KIAA1958: variants seen among roughly 807,000 people sequenced by gnomAD.
KIAA1958 encodes the protein uncharacterized protein KIAA1958.
KIAA1958 carries 14 observed loss-of-function variants against 47.2 expected under a neutral mutation model. The observed-to-expected ratio is 0.30, with a 90% CI of 0.20 to 0.46. The LOEUF is 0.46. Ranked by LOEUF, KIAA1958 falls within the 20% of genes least tolerant of loss-of-function variation. The probability of loss-of-function intolerance (pLI) is 1.00; values close to 1 mark genes in which losing one functional copy is unlikely to be tolerated. For missense variants in KIAA1958, 803 were observed against 909.2 expected (o/e 0.88, Z 1.50); for synonymous variants, 354 against 353.3 (o/e 1.00, Z -0.02).
chr9:112,536,356 T>C (rs748592267), intron 1 of KIAA1958, among the ~76,000 whole-genome samples: 4 of 152,212 alleles, frequency 2.6e-5, no homozygotes, highest in Non-Finnish European at 4.4e-5. Context: ...AGTTAGGATT[T>C]AGCCTATAGA....
intron 2 of KIAA1958, among the ~76,000 whole-genome samples, chr9:112,638,273 G>A (rs1836839355): frequency 6.6e-6 from 1 of 152,150 alleles, no homozygotes; most frequent in African/African-American, 2.4e-5. Context: ...GGTAGGCTGA[G>A]GCAGGCAAAT....
rs149951230 is a variant in KIAA1958, at chr9:112,523,075, A to G, written c.-25+35957A>G. On this transcript the variant is annotated intron_variant, in intron 1 of 3. Coordinates refer to ENST00000337530, the MANE Select transcript of KIAA1958 (RefSeq NM_133465.4). Reference sequence around the variant, plus strand: ...ACCCACAGCACAGCTAGATACCATCATAGCACTCATCCTCACAGCCACCCC... The same window carrying G: ...ACCCACAGCACAGCTAGATACCATCGTAGCACTCATCCTCACAGCCACCCC... Among the ~76,000 whole-genome samples, 441 of 152,314 alleles carry G rather than the reference A, an allele frequency of 2.9e-3. 3 individuals carry two copies. Among genetic ancestry groups the G allele is most frequent in the African/African-American group, 0.01 (418 of 41,566 alleles).
At chr9:112,599,255 AATTT>A (rs903863507) in intron 2 of KIAA1958, among the ~76,000 whole-genome samples, 3 of 152,058 alleles carry the variant, frequency 2.0e-5, no homozygotes, top group Non-Finnish European at 4.4e-5. Flanking sequence ...AAAACTAATG[AATTT>A]ATTTTTATTA....
intron 1 of KIAA1958, among the ~76,000 whole-genome samples, chr9:112,554,793 T>C (rs1835213877): frequency 6.6e-6 from 1 of 152,102 alleles, no homozygotes; most frequent in Non-Finnish European, 1.5e-5. Flanking sequence ...GCAGTTTCAT[T>C]GCACAGCCTG....
intron 1 of KIAA1958, among the ~76,000 whole-genome samples, chr9:112,494,906 C>A (rs1191464391): frequency 6.6e-6 from 1 of 152,004 alleles, no homozygotes; most frequent in Non-Finnish European, 1.5e-5. Flanking sequence ...TTTAGTTTTT[C>A]AATTTCTGAT....
chr9:112,562,309 A>G lies in KIAA1958; in HGVS notation c.-24-11748A>G, dbSNP rs150260584. ...AGTCAGTATTCTTATCATTTTACAG[A>G]TAAGGAAACTAAGGGACCGAGAGGT... On this transcript the variant is annotated intron_variant, in intron 1 of 3. Coordinates refer to ENST00000337530, the MANE Select transcript of KIAA1958 (RefSeq NM_133465.4). Among the ~76,000 whole-genome samples the G allele has an allele frequency of 6.0e-3, 921 of 152,282 alleles. 14 individuals carry two copies. The highest frequency in any genetic ancestry group is 5.7e-3 in the Non-Finnish European group (388 of 68,024).
chr9:112,522,631 G>A (rs773313189), intron 1 of KIAA1958, among the ~76,000 whole-genome samples: 2 of 152,104 alleles, frequency 1.3e-5, no homozygotes, highest in Non-Finnish European at 2.9e-5. Context: ...CTTTGACCTT[G>A]GGTCCTGACC....
At chr9:112,648,027 A>G (rs1023086552) in intron 3 of KIAA1958, among the ~76,000 whole-genome samples, 20 of 152,242 alleles carry the variant, frequency 1.3e-4, no homozygotes, top group African/African-American at 4.6e-4. Context: ...AGACATGGGA[A>G]CATGTGACTC....
In KIAA1958 at chr9:112,574,096, C is replaced by T. The variant is rs1411731623; in HGVS notation, c.16C>T (p.His6Tyr). Residue 6 changes from histidine (H) to tyrosine (Y), a missense_variant, in exon 2 of 4, where the codon CAT becomes TAT. By Grantham distance (83) the His-to-Tyr change is moderately conservative. Around this residue, in one of 2 missense-constraint regions of KIAA1958, gnomAD observed 42 missense variants for 79.9 expected, o/e 0.53. Transcript: ENST00000337530. MEDCL[H>Y]TSSENLSKLV... is the part of the protein sequence containing the mutation. Reference sequence around the variant, plus strand: ...ATCCTGTAACATGGAGGATTGTCTTCATACCTCATCTGAGAATCTGTCCAA... The same window carrying T: ...ATCCTGTAACATGGAGGATTGTCTTTATACCTCATCTGAGAATCTGTCCAA... The T allele has an allele frequency of 4.4e-6, 7 of 1,594,422 alleles. No individual in the cohort carries two copies. The highest frequency in any genetic ancestry group is 6.0e-6 in the Non-Finnish European group (7 of 1,168,120).
chr9:112,603,104 A>G (rs1309397009), intron 2 of KIAA1958, among the ~76,000 whole-genome samples: 1 of 152,204 alleles, frequency 6.6e-6, no homozygotes, highest in Non-Finnish European at 1.5e-5. Context: ...TAGACACAAA[A>G]CAAGTAAACA....
chr9:112,524,427 CTG>C (rs1249624440), intron 1 of KIAA1958, among the ~76,000 whole-genome samples: 1 of 152,248 alleles, frequency 6.6e-6, no homozygotes, highest in African/African-American at 2.4e-5. Context: ...TATGGAGCGA[CTG>C]TGACTGAGAA....
At chr9:112,494,333 T>C (rs1243293873) in intron 1 of KIAA1958, among the ~76,000 whole-genome samples, 2 of 152,162 alleles carry the variant, frequency 1.3e-5, no homozygotes, top group Non-Finnish European at 2.9e-5. Context: ...TCATTTTCTC[T>C]CTTTGGGGCC....
chr9:112,644,433 T>G (rs1387624991), intron 2 of KIAA1958, among the ~76,000 whole-genome samples: 1 of 152,210 alleles, frequency 6.6e-6, no homozygotes, highest in Admixed American at 6.5e-5. Flanking sequence ...CCCTAGCCAG[T>G]TAGCACCTTG....
chr9:112,637,968 G>A (rs1836832887), intron 2 of KIAA1958, among the ~76,000 whole-genome samples: 1 of 152,074 alleles, frequency 6.6e-6, no homozygotes, highest in Non-Finnish European at 1.5e-5. Context: ...GGCCAACATG[G>A]CGAAACCTCG....
At chr9:112,585,809 A>G (rs146666889) in intron 2 of KIAA1958, among the ~76,000 whole-genome samples, 466 of 152,334 alleles carry the variant, frequency 3.1e-3, no homozygotes, top group Non-Finnish European at 5.0e-3. Context: ...TATTTTAAGT[A>G]ATACTGAAAG....
At chr9:112,569,476 T>C (rs1835493478) in intron 1 of KIAA1958, among the ~76,000 whole-genome samples, 1 of 152,246 alleles carries the variant, frequency 6.6e-6, no homozygotes, top group South Asian at 2.1e-4. Context: ...GGAATGCCAG[T>C]GCAGGCAAAT....
Position 112,574,745 on chromosome 9 carries a change from G to T in KIAA1958, c.665G>T (p.Gly222Val). 6.2e-7 allele frequency: 1 copy of T among 1,614,152 alleles called. No homozygotes were observed. The highest frequency in any genetic ancestry group is 8.5e-7 in the Non-Finnish European group (1 of 1,180,016). The change falls in exon 2 of 4, where the codon GGA becomes GTA. Residue 222 changes from glycine to valine, a missense_variant. By Grantham distance (109) the Gly-to-Val change is moderately radical. Around this residue, in one of 2 missense-constraint regions of KIAA1958, gnomAD observed 761 missense variants for 829.3 expected, o/e 0.92. Transcript: ENST00000337530. ...YIVANAELTG[G>V]VDGPALSLTQ... ...GTGGCAAATGCAGAACTGACAGGAGGAGTAGATGGACCAGCCCTGTCCTTG... is the reference window on the plus strand; with the variant it reads ...GTGGCAAATGCAGAACTGACAGGAGTAGTAGATGGACCAGCCCTGTCCTTG...
At chr9:112,569,163 C>A (rs1835486954) in intron 1 of KIAA1958, among the ~76,000 whole-genome samples, 1 of 151,994 alleles carries the variant, frequency 6.6e-6, no homozygotes, top group Non-Finnish European at 1.5e-5. Context: ...TGGTACTGTT[C>A]TTTTTGAAAT....
At chr9:112,583,877 A>G (rs1357463076) in intron 2 of KIAA1958, among the ~76,000 whole-genome samples, 2 of 152,188 alleles carry the variant, frequency 1.3e-5, no homozygotes, top group African/African-American at 4.8e-5. Context: ...AACTGTATCT[A>G]TAATTTTTTA....
Sources: allele counts gnomAD v4.1 joint callset (sites outside exome capture counted in the v4.1 genomes callset), GRCh38; gene constraint gnomAD v4.1.1; regional missense constraint gnomAD v4.1.1; transcripts MANE v1.5; gene names NCBI Gene and HGNC (gene_info 2026-07-23, HGNC 2026-07-21).